PSMD14: variants seen among roughly 807,000 people sequenced by gnomAD.
PSMD14 encodes ubiquitin C-terminal hydrolase PSMD14.
In PSMD14, 7 loss-of-function variants were observed where a neutral mutation model predicts 41.2. The ratio of observed to expected loss-of-function variants is 0.17; its 90% confidence interval spans 0.10 to 0.32. The LOEUF (loss-of-function observed/expected upper bound fraction) is 0.32, where lower values mean the gene tolerates loss of function less well. Among genes scored for constraint, PSMD14 ranks in the 10% least tolerant of loss-of-function variants. The probability of loss-of-function intolerance (pLI) is 1.00; values close to 1 mark genes in which losing one functional copy is unlikely to be tolerated. For synonymous variants in PSMD14, 114 were observed against 122.3 expected (o/e 0.93, Z 0.45); for missense variants, 139 against 375.6 (o/e 0.37, Z 5.21).
At chr2:161,329,854 C>T (rs1235473455) in intron 3 of PSMD14, among the ~76,000 whole-genome samples, 1 of 152,066 alleles carries the variant, frequency 6.6e-6, no homozygotes, top group African/African-American at 2.4e-5. Flanking sequence ...TTCTAGTCGT[C>T]ATTGTAGTGT....
chr2:161,405,951 A>T (rs1299964211), intron 10 of PSMD14, among the ~76,000 whole-genome samples: 1 of 152,164 alleles, frequency 6.6e-6, no homozygotes, highest in African/African-American at 2.4e-5. Flanking sequence ...AGAAGAGAAG[A>T]CAGATGTTGG....
chr2:161,408,605 A>G, intron 10 of PSMD14: 1 of 441,926 alleles, frequency 2.3e-6, no homozygotes, highest in South Asian at 2.3e-5. Context: ...CCTGTTTGAT[A>G]TTTTCAATAC....
chr2:161,363,509 C>T (rs1034407547), intron 3 of PSMD14, among the ~76,000 whole-genome samples: 1 of 152,132 alleles, frequency 6.6e-6, no homozygotes, highest in African/African-American at 2.4e-5. Context: ...AGATAAGGAA[C>T]TTCTGTTTTA....
chr2:161,321,357 A>T (rs926251249), intron 3 of PSMD14, among the ~76,000 whole-genome samples: 3 of 152,222 alleles, frequency 2.0e-5, no homozygotes, highest in African/African-American at 7.2e-5. Flanking sequence ...TGGACATTTT[A>T]TGAGTGAATA....
intron 3 of PSMD14, among the ~76,000 whole-genome samples, chr2:161,323,146 T>G (rs528096210): frequency 1.3e-5 from 2 of 152,350 alleles, no homozygotes; most frequent in South Asian, 4.1e-4. Context: ...CACATGAGAA[T>G]GCATTCTGGC....
chr2:161,317,475 G>GA (rs1436053680), intron 2 of PSMD14, among the ~76,000 whole-genome samples: 1 of 152,290 alleles, frequency 6.6e-6, no homozygotes, highest in East Asian at 1.9e-4. Context: ...GAATAGACTG[G>GA]AAGCGGGGCT....
chr2:161,372,449 C>T (rs949093073), intron 7 of PSMD14, among the ~76,000 whole-genome samples: 1 of 151,924 alleles, frequency 6.6e-6, no homozygotes, highest in African/African-American at 2.4e-5. Context: ...TGTTTTCTGA[C>T]ATCATGTCAT....
intron 1 of PSMD14, among the ~76,000 whole-genome samples, chr2:161,312,238 G>A (rs1689096306): frequency 6.6e-6 from 1 of 151,856 alleles, no homozygotes; most frequent in Non-Finnish European, 1.5e-5. Flanking sequence ...CCACCTTCTG[G>A]GTTCAAGTGA....
At chr2:161,345,935 AGGCTGGAGTACAGT>A (rs750892531) in intron 3 of PSMD14, among the ~76,000 whole-genome samples, 5 of 152,102 alleles carry the variant, frequency 3.3e-5, no homozygotes, top group Non-Finnish European at 7.4e-5. Context: ...TCTGTCACCC[AGGCTGGAGTACAGT>A]GGCATGATCA....
intron 3 of PSMD14, among the ~76,000 whole-genome samples, chr2:161,348,641 C>A (rs1440310334): frequency 6.6e-6 from 1 of 152,036 alleles, no homozygotes; most frequent in East Asian, 1.9e-4. Flanking sequence ...TTAAGATACC[C>A]AAAATGATAC....
chr2:161,394,961 ATAAAGT>A, intron 9 of PSMD14, 111 bp from the exon 10 acceptor site: 3 of 910,660 alleles, frequency 3.3e-6, no homozygotes, highest in Non-Finnish European at 3.2e-6. Context: ...ATTTGAATTA[ATAAAGT>A]TAAATCCATT....
intron 3 of PSMD14, among the ~76,000 whole-genome samples, chr2:161,360,753 G>T (rs185930576): frequency 7.9e-5 from 12 of 152,010 alleles, no homozygotes; most frequent in Non-Finnish European, 1.5e-4. Flanking sequence ...AGCCAGGATG[G>T]TCTCCATCTC....
intron 10 of PSMD14, among the ~76,000 whole-genome samples, chr2:161,405,062 G>A (rs995955862): frequency 6.6e-6 from 1 of 152,102 alleles, no homozygotes; most frequent in African/African-American, 2.4e-5. Context: ...AAGCAATATT[G>A]TCTACCCTAC....
chr2:161,372,761 T>C, intron 7 of PSMD14, among the ~76,000 whole-genome samples: 1 of 152,032 alleles, frequency 6.6e-6, no homozygotes, highest in South Asian at 2.1e-4. Flanking sequence ...GGTACCTTTT[T>C]AGTAACTCGT....
chr2:161,340,750 T>C (rs2105241483), intron 3 of PSMD14: 2 of 1,610,436 alleles, frequency 1.2e-6, no homozygotes, highest in East Asian at 4.5e-5. Flanking sequence ...GTTTCCATTT[T>C]ATCTCTCAAG....
At chr2:161,332,986 G>T (rs1354736681) in intron 3 of PSMD14, among the ~76,000 whole-genome samples, 1 of 152,158 alleles carries the variant, frequency 6.6e-6, no homozygotes, top group East Asian at 1.9e-4. Context: ...CCTTAAATAA[G>T]TGTATAAGAG....
chr2:161,362,072 A>G (rs2105253335), intron 3 of PSMD14, among the ~76,000 whole-genome samples: 1 of 152,146 alleles, frequency 6.6e-6, no homozygotes, highest in South Asian at 2.1e-4. Context: ...ATTTTAATTA[A>G]AAAAATTTTT....
intron 5 of PSMD14, among the ~76,000 whole-genome samples, chr2:161,369,092 A>G (rs2105256899): frequency 6.6e-6 from 1 of 152,032 alleles, no homozygotes. Flanking sequence ...GTCTTTTTAT[A>G]TTAGGCTACA....
intron 10 of PSMD14, chr2:161,407,410 G>C (rs1236257608): frequency 6.6e-6 from 1 of 152,042 alleles, no homozygotes; most frequent in Non-Finnish European, 1.5e-5. Flanking sequence ...ATTTCCTAAT[G>C]ATGTGTTGTA....
Sources: gnomAD v4.1 joint callset for allele counts (sites outside exome capture counted in the v4.1 genomes callset) on GRCh38, gnomAD v4.1.1 for gene constraint, MANE v1.5 for transcripts, NCBI Gene and HGNC (gene_info 2026-07-23, HGNC 2026-07-21) for gene names.